Variants in ZNF530 observed in about 807,000 individuals in gnomAD.
The protein encoded by ZNF530 is zinc finger protein 530.
ZNF530 carries 5 observed loss-of-function variants against 2.8 expected under a neutral mutation model. That is an observed-to-expected ratio of 1.80 (90% confidence interval 0.94 to 3.78). The LOEUF (loss-of-function observed/expected upper bound fraction) is 3.78. Ranked by LOEUF, ZNF530 falls within the 30% of genes most tolerant of loss-of-function variation. The probability of loss-of-function intolerance (pLI) is 0.00; values close to 1 mark genes in which losing one functional copy is unlikely to be tolerated. For synonymous variants in ZNF530, 229 were observed against 235.0 expected (o/e 0.97, Z 0.23); for missense variants, 619 against 673.3 (o/e 0.92, Z 0.89).
chr19:57,612,559 T>C (rs563768445), downstream of ZNF530: 1 of 399,366 alleles, frequency 2.5e-6, no homozygotes, highest in African/African-American at 2.0e-5. Context: ...CTCACATCTG[T>C]AATCCCAACT....
Position 57,606,820 on chromosome 19 carries a change from AAAGGCCTTATGAGTGCAGTG to A in ZNF530, c.1199_1218del (p.Arg400MetfsTer6). The A allele has an allele frequency of 6.2e-7, 1 of 1,613,926 alleles. No homozygotes were observed. On this transcript the variant is annotated frameshift_variant, in exon 4 of 4. Coordinates refer to ENST00000597700, the MANE Select transcript of ZNF530 (RefSeq NM_001321981.2). LOFTEE classifies it low-confidence loss of function (END_TRUNC). ...CAACACCAAAGAGTTCACACTGGAG[AAAGGCCTTATGAGTGCAGTG>A]AATGTGGGAAAGTTTTTAGCCAAAG...
chr19:57,609,730 T>C lies in ZNF530; in HGVS notation c.*2405T>C, dbSNP rs1034540406. On this transcript the variant is annotated 3_prime_UTR_variant, in exon 4 of 4. Transcript: ENST00000597700. Reference sequence around the variant, plus strand: ...AATGTGTGTCTTGTAGCTCAAGTTATTACTAGAGACAACAAGGGTTTTGTG... The same window carrying C: ...AATGTGTGTCTTGTAGCTCAAGTTACTACTAGAGACAACAAGGGTTTTGTG... Among the ~76,000 whole-genome samples, 5 of 152,196 alleles carry C rather than the reference T, an allele frequency of 3.3e-5. No individual in the cohort carries two copies. Among genetic ancestry groups the C allele is most frequent in the African/African-American group, 1.2e-4 (5 of 41,456 alleles).
rs143833020 is a variant in ZNF530 at position 57,606,812 on chromosome 19, C to T, written c.1188C>T (p.His396=). The change falls in exon 4 of 4, where the codon CAC becomes CAT. Residue 396 remains histidine, a synonymous_variant. Transcript: ENST00000597700. The part of the protein sequence containing the change: ...KSVLIQHQRV[H]TGERPYECSE... Reference sequence around the variant, plus strand: ...TCCTCATTCAACACCAAAGAGTTCACACTGGAGAAAGGCCTTATGAGTGCA... The same window carrying T: ...TCCTCATTCAACACCAAAGAGTTCATACTGGAGAAAGGCCTTATGAGTGCA... 1.0e-3 allele frequency: 1,680 copies of T among 1,614,226 alleles called. 12 individuals are homozygous for T. The highest frequency in any genetic ancestry group is 5.4e-3 in the South Asian group (495 of 91,082).
chr19:57,600,100 G>A lies in ZNF530; in HGVS notation c.-156G>A, dbSNP rs779595400. On this transcript the variant is annotated 5_prime_UTR_variant, in exon 1 of 4. Coordinates refer to ENST00000597700, the MANE Select transcript of ZNF530 (RefSeq NM_001321981.2). Reference sequence around the variant, plus strand: ...CCGCTCCCGGCCCGCTCCGCCCAGAGTCCGATGGCGGCGGCACTGAGGGCC... The same window carrying A: ...CCGCTCCCGGCCCGCTCCGCCCAGAATCCGATGGCGGCGGCACTGAGGGCC... 2.4e-5 allele frequency: 37 copies of A among 1,559,774 alleles called. No individual in the cohort carries two copies. The highest frequency in any genetic ancestry group is 3.1e-5 in the Non-Finnish European group (36 of 1,150,906).
At position 57,609,641 on chromosome 19, in the gene ZNF530, A is replaced by G. The variant is rs191722207; in HGVS notation, c.*2316A>G. Among the ~76,000 whole-genome samples, 1,117 of 152,308 alleles carry G rather than the reference A, an allele frequency of 7.3e-3. 8 individuals carry two copies. The highest frequency in any genetic ancestry group is 0.025 in the African/African-American group (1,052 of 41,562). ...CAACAGCGAAACTCTGTCTCAAAAA[A>G]AAAGTATCCACAAATGTTCCAGTGA... On this transcript the variant is annotated 3_prime_UTR_variant, in exon 4 of 4. Transcript: ENST00000597700.
rs1478727811 is a variant in ZNF530 at position 57,608,485 on chromosome 19, T to G, written c.*1160T>G. 6.6e-6 allele frequency: 1 copy of G among 152,158 alleles called. No homozygotes were observed. Among genetic ancestry groups the G allele is most frequent in the Non-Finnish European group, 1.5e-5 (1 of 68,026 alleles). 9.4% of individuals were successfully genotyped at this position (152,158 alleles called of 1,614,324 possible). ...ACACTGCAGGGCTTTCTGGCTCTGA[T>G]TTTTGCCTGCATGTGGGCTCAGAGG... On this transcript the variant is annotated 3_prime_UTR_variant, in exon 4 of 4. Coordinates refer to ENST00000597700, the MANE Select transcript of ZNF530 (RefSeq NM_001321981.2).
chr19:57,612,243 A>G (rs374087574), downstream of ZNF530, among the ~76,000 whole-genome samples: 17 of 152,128 alleles, frequency 1.1e-4, no homozygotes, highest in Admixed American at 2.0e-4. Flanking sequence ...TCTTTTCTCC[A>G]TTATGCCTGC....
rs762301851 is a variant in ZNF530 at position 57,606,813 on chromosome 19, A to C, written c.1189A>C (p.Thr397Pro). Residue 397 changes from threonine (T) to proline (P), a missense_variant, in exon 4 of 4, where the codon ACT becomes CCT. Coordinates refer to ENST00000597700, the MANE Select transcript of ZNF530 (RefSeq NM_001321981.2). ...SVLIQHQRVH[T>P]GERPYECSEC... ...CCTCATTCAACACCAAAGAGTTCAC[A>C]CTGGAGAAAGGCCTTATGAGTGCAG... 3.7e-6 allele frequency: 6 copies of C among 1,614,028 alleles called. No individual in the cohort carries two copies. Among genetic ancestry groups the C allele is most frequent in the Non-Finnish European group, 5.1e-6 (6 of 1,180,024 alleles).
At position 57,608,188 on chromosome 19, in the gene ZNF530, A is replaced by C. The variant is rs1416556234; in HGVS notation, c.*863A>C. The C allele has an allele frequency of 6.6e-6, 1 of 152,214 alleles. No individual in the cohort carries two copies. The highest frequency in any genetic ancestry group is 1.5e-5 in the Non-Finnish European group (1 of 68,046). 9.4% of individuals were successfully genotyped at this position (152,214 alleles called of 1,614,324 possible). On this transcript the variant is annotated 3_prime_UTR_variant, in exon 4 of 4. Coordinates refer to ENST00000597700, the MANE Select transcript of ZNF530 (RefSeq NM_001321981.2). ...TGATCTCAGGCGATGCTTGTGATGA[A>C]GCATTTTTTAGCTTCCACCACTTAC...
Position 57,609,391 on chromosome 19 carries a change from G to A in ZNF530, c.*2066G>A, listed in dbSNP as rs561057862. ...TGTAATCCCAGCACTTTAGGAGGCCGAGGTGGGTGGATAACCCAAGGTCAG... is the reference window on the plus strand; with the variant it reads ...TGTAATCCCAGCACTTTAGGAGGCCAAGGTGGGTGGATAACCCAAGGTCAG... On this transcript the variant is annotated 3_prime_UTR_variant, in exon 4 of 4. Transcript: ENST00000597700. Among the ~76,000 whole-genome samples the A allele has an allele frequency of 3.9e-5, 6 of 152,142 alleles. No homozygotes were observed. Among genetic ancestry groups the A allele is most frequent in the Non-Finnish European group, 7.3e-5 (5 of 68,032 alleles).
At chr19:57,603,129 TCCAC>T (rs1599932910) in intron 2 of ZNF530, among the ~76,000 whole-genome samples, 1 of 152,204 alleles carries the variant, frequency 6.6e-6, no homozygotes, top group African/African-American at 2.4e-5. Flanking sequence ...GATCAAGTGA[TCCAC>T]CCGCCTTGGC....
chr19:57,602,714 G>A (rs1980304736), intron 2 of ZNF530, among the ~76,000 whole-genome samples: 1 of 152,192 alleles, frequency 6.6e-6, no homozygotes, highest in South Asian at 2.1e-4. Context: ...TTTTCGTGCT[G>A]CTGATAAAGA....
rs969347255 is a variant in ZNF530 at position 57,600,001 on chromosome 19, C to T, written c.-255C>T. ...GAAGGCGCGAGGAGAGTCGTTTTCT[C>T]AGCTGCACAGCCGGGGCCTGACGGT... On this transcript the variant is annotated 5_prime_UTR_variant, in exon 1 of 4. Coordinates refer to ENST00000597700, the MANE Select transcript of ZNF530 (RefSeq NM_001321981.2). The T allele has an allele frequency of 4.7e-5, 62 of 1,320,336 alleles. No individual in the cohort carries two copies. In the African/African-American group the frequency reaches 8.1e-4, roughly 17 times the overall value. 81.8% of individuals were successfully genotyped at this position (1,320,336 alleles called of 1,614,324 possible).
At position 57,609,784 on chromosome 19, in the gene ZNF530, C is replaced by T. The variant is rs1459692697; in HGVS notation, c.*2459C>T. Among the ~76,000 whole-genome samples, 6 of 151,958 alleles carry T rather than the reference C, an allele frequency of 3.9e-5. No individual in the cohort carries two copies. Among genetic ancestry groups the T allele is most frequent in the Non-Finnish European group, 8.8e-5 (6 of 67,992 alleles). On this transcript the variant is annotated 3_prime_UTR_variant, in exon 4 of 4. Coordinates refer to ENST00000597700, the MANE Select transcript of ZNF530 (RefSeq NM_001321981.2). ...TCCTGTAGCCTCTCTGGCCTGTTTA[C>T]TTCAAGGCCATTGCTGCACAGACAA...
chr19:57,600,290 C>T (rs1980167565), intron 1 of ZNF530, among the ~76,000 whole-genome samples, 156 bp downstream of exon 1: 1 of 152,200 alleles, frequency 6.6e-6, no homozygotes, highest in African/African-American at 2.4e-5. Context: ...GGGAGAGCGA[C>T]ACGGTCAGGG....
At position 57,608,374 on chromosome 19, in the gene ZNF530, G is replaced by A. The variant is rs974915875; in HGVS notation, c.*1049G>A. 3 of 152,152 alleles carry A rather than the reference G, an allele frequency of 2.0e-5. No individual in the cohort carries two copies. Among genetic ancestry groups the A allele is most frequent in the Non-Finnish European group, 4.4e-5 (3 of 68,024 alleles). 9.4% of individuals were successfully genotyped at this position (152,152 alleles called of 1,614,324 possible). The stretch of plus-strand genomic sequence containing the variant: ...ATTTGTGGGGATTCAAATTTTGTTT[G>A]CCTCAGAGGGGACAGTATGCTCACA... On this transcript the variant is annotated 3_prime_UTR_variant, in exon 4 of 4. Transcript: ENST00000597700.
In ZNF530 at chr19:57,605,970, G is replaced by T. The variant is rs2123461109; in HGVS notation, c.346G>T (p.Asp116Tyr). ...LDNGEKLFKV[D>Y]GDQASFMMNC... ...TAATGGAGAGAAGCTCTTTAAAGTG[G>T]ATGGGGACCAGGCCTCATTTATGAT... Residue 116 changes from aspartate (D) to tyrosine (Y), a missense_variant, in exon 4 of 4, where the codon GAT becomes TAT. Coordinates refer to ENST00000597700, the MANE Select transcript of ZNF530 (RefSeq NM_001321981.2). The T allele has an allele frequency of 6.2e-7, 1 of 1,614,208 alleles. No individual in the cohort carries two copies. The highest frequency in any genetic ancestry group is 1.1e-5 in the South Asian group (1 of 91,088).
In ZNF530 at chr19:57,605,861, A is replaced by C; in HGVS notation, c.237A>C (p.Ser79=). 1 of 1,614,192 alleles carries C rather than the reference A, an allele frequency of 6.2e-7. No individual in the cohort carries two copies. The highest frequency in any genetic ancestry group is 8.5e-7 in the Non-Finnish European group (1 of 1,180,014). The part of the protein sequence containing the change: ...DILQMIELHA[S]PCGQKLYLGG... Reference sequence around the variant, plus strand: ...TACAAATGATTGAGCTCCATGCCTCACCCTGTGGACAGAAATTGTACTTGG... The same window carrying C: ...TACAAATGATTGAGCTCCATGCCTCCCCCTGTGGACAGAAATTGTACTTGG... The change falls in exon 4 of 4, where the codon TCA becomes TCC. Residue 79 remains serine (S), a synonymous_variant. Coordinates refer to ENST00000597700, the MANE Select transcript of ZNF530 (RefSeq NM_001321981.2).
chr19:57,601,219 G>A (rs943630715), intron 2 of ZNF530, among the ~76,000 whole-genome samples: 6 of 152,244 alleles, frequency 3.9e-5, no homozygotes, highest in Non-Finnish European at 8.8e-5. Flanking sequence ...ACAGACAACA[G>A]ACTGTGGGTT....
Sources: allele counts gnomAD v4.1 joint callset (sites outside exome capture counted in the v4.1 genomes callset), GRCh38; gene constraint gnomAD v4.1.1; transcripts MANE v1.5; gene names NCBI Gene and HGNC (gene_info 2026-07-23, HGNC 2026-07-21).